Variants in ACACA observed in about 807,000 individuals in gnomAD.
ACACA encodes the protein acetyl-CoA carboxylase alpha, also known as acetyl-CoA carboxylase 1.
A neutral mutation model predicts 296.1 loss-of-function variants in ACACA; 103 were observed. The ratio of observed to expected loss-of-function variants is 0.35; its 90% CI spans 0.30 to 0.41. The LOEUF is 0.41. Ranked by LOEUF, ACACA falls within the 10% of genes least tolerant of loss-of-function variation. ACACA has a pLI of 1.00. For synonymous variants in ACACA, 953 were observed against 1,038.6 expected (o/e 0.92, Z 1.58); for missense variants, 1,554 against 2,989.7 (o/e 0.52, Z 11.20).
chr17:37,191,141 C>G lies in ACACA; in HGVS notation c.4551G>C (p.Thr1517=). ...CNHIFLNFVP[T]VIMDPSKIEE... ...GTACCTTTGATGGGTCCATGATAAC[C>G]GTGGGCACAAAGTTGAGGAAGATGT... Residue 1517 remains threonine (T), a synonymous_variant, in exon 38 of 56, where the codon ACG becomes ACC. Coordinates refer to ENST00000616317, the MANE Select transcript of ACACA (RefSeq NM_198834.3). 1 of 1,614,042 alleles carries G rather than the reference C, an allele frequency of 6.2e-7. No homozygotes were observed. Among genetic ancestry groups the G allele is most frequent in the Non-Finnish European group, 8.5e-7 (1 of 1,179,988 alleles).
intron 43 of ACACA, among the ~76,000 whole-genome samples, chr17:37,151,834 G>A (rs1161718763): frequency 6.6e-6 from 1 of 151,840 alleles, no homozygotes; most frequent in Non-Finnish European, 1.5e-5. Context: ...GCTAATTTTT[G>A]TATTTTCAGT....
At chr17:37,249,953 A>T (rs572042715) in intron 16 of ACACA, among the ~76,000 whole-genome samples, 1 of 152,330 alleles carries the variant, frequency 6.6e-6, no homozygotes, top group East Asian at 1.9e-4. Context: ...TGATCATTTT[A>T]TAAGGGGAAA....
intron 45 of ACACA, chr17:37,143,665 T>G (rs2143903752): frequency 1.1e-6 from 1 of 886,006 alleles, no homozygotes; most frequent in African/African-American, 1.7e-5. Context: ...GAAAAAAATC[T>G]GTGCTAGAAC....
intron 55 of ACACA, 85 bp downstream of exon 55, chr17:37,088,853 G>A (rs540726382): frequency 2.6e-5 from 39 of 1,510,862 alleles, no homozygotes; most frequent in Middle Eastern, 1.7e-4. Context: ...AGATTTCTGC[G>A]ATCATCTCAT....
intron 10 of ACACA, among the ~76,000 whole-genome samples, chr17:37,265,956 A>G (rs1317880620): frequency 6.6e-6 from 1 of 152,144 alleles, no homozygotes; most frequent in Non-Finnish European, 1.5e-5. Context: ...TGGCCCTTTC[A>G]GTCCCTTGGT....
At chr17:37,217,734 CAAAAAAAAAAAAAAAAAAA>C (rs57846347) in intron 29 of ACACA, among the ~76,000 whole-genome samples, 1 of 29,372 alleles carries the variant, frequency 3.4e-5, no homozygotes, top group Non-Finnish European at 5.2e-5. Context: ...GACTCCATCT[CAAAAAAAAAAAAAAAAAAA>C]AAAAAAAAAA....
At chr17:37,209,235 G>A (rs2078645095) in intron 30 of ACACA, among the ~76,000 whole-genome samples, 1 of 152,160 alleles carries the variant, frequency 6.6e-6, no homozygotes, top group African/African-American at 2.4e-5. Context: ...GGGATTCAGA[G>A]TTGTATTACC....
intron 3 of ACACA, among the ~76,000 whole-genome samples, chr17:37,288,422 T>C (rs1236786756): frequency 6.6e-6 from 1 of 152,136 alleles, no homozygotes; most frequent in African/African-American, 2.4e-5. Context: ...ATATACCATA[T>C]GACTCCATTT....
At chr17:37,165,295 A>G (rs1274044973) in intron 41 of ACACA, among the ~76,000 whole-genome samples, 1 of 152,188 alleles carries the variant, frequency 6.6e-6, no homozygotes, top group East Asian at 1.9e-4. Flanking sequence ...TTCACTGCTA[A>G]TCAAAGGATA....
chr17:37,237,914 A>C (rs2080191581), intron 24 of ACACA, among the ~76,000 whole-genome samples: 1 of 151,930 alleles, frequency 6.6e-6, no homozygotes, highest in African/African-American at 2.4e-5. Flanking sequence ...GGCACATAAC[A>C]CTACACCTGG....
At chr17:37,118,657 C>A (rs1278928428) in intron 50 of ACACA, among the ~76,000 whole-genome samples, 2 of 152,182 alleles carry the variant, frequency 1.3e-5, no homozygotes, top group Non-Finnish European at 2.9e-5. Context: ...GACAGATCCA[C>A]CTTCCTTTCC....
chr17:37,158,178 G>T (rs775691172), intron 42 of ACACA, among the ~76,000 whole-genome samples: 1 of 152,134 alleles, frequency 6.6e-6, no homozygotes, highest in Non-Finnish European at 1.5e-5. Flanking sequence ...AAGACTGTGG[G>T]AAGAACACAT....
chr17:37,123,064 G>A (rs563647747), intron 48 of ACACA, among the ~76,000 whole-genome samples: 1 of 152,326 alleles, frequency 6.6e-6, no homozygotes, highest in African/African-American at 2.4e-5. Context: ...AATGAGGACT[G>A]ACCTTGCTGA....
In ACACA at chr17:37,085,809, G is replaced by C. The variant is rs1321635306; in HGVS notation, c.*1507C>G. On this transcript the variant is annotated 3_prime_UTR_variant, in exon 56 of 56. Transcript: ENST00000616317. ...CTTGTGTGCAAACTACAGGGTTAAGGCTCAGAACTGTGGCTTGTCCAAGAA... is the reference window on the plus strand; with the variant it reads ...CTTGTGTGCAAACTACAGGGTTAAGCCTCAGAACTGTGGCTTGTCCAAGAA... 5.0e-6 allele frequency: 2 copies of C among 398,970 alleles called. No individual in the cohort carries two copies. The highest frequency in any genetic ancestry group is 8.8e-6 in the Non-Finnish European group (2 of 226,114). The allele number at this position is 398,970 out of a possible 1,614,324, so 24.7% of individuals were successfully genotyped here.
intron 1 of ACACA, among the ~76,000 whole-genome samples, chr17:37,364,805 TCCTTATA>T (rs879508110): frequency 9.9e-5 from 15 of 152,158 alleles, no homozygotes; most frequent in Admixed American, 3.3e-4. Flanking sequence ...CTTATTCTTA[TCCTTATA>T]CCTTTGTTTA....
In ACACA at chr17:37,277,018, G is replaced by T; in HGVS notation, c.802+15C>A. 1.2e-6 allele frequency: 2 copies of T among 1,607,692 alleles called. No individual in the cohort carries two copies. Among genetic ancestry groups the T allele is most frequent in the Non-Finnish European group, 1.7e-6 (2 of 1,174,116 alleles). ...AAAGAAACAGAAAGACGGACAATAT[G>T]TCAGAACAGCTTACCCATGAAGGCA... On this transcript the variant is annotated intron_variant, in intron 7 of 55. Coordinates refer to ENST00000616317, the MANE Select transcript of ACACA (RefSeq NM_198834.3).
chr17:37,343,902 T>C (rs1202865681), intron 1 of ACACA, among the ~76,000 whole-genome samples: 2 of 152,026 alleles, frequency 1.3e-5, no homozygotes, highest in Non-Finnish European at 2.9e-5. Flanking sequence ...TTAAAAACTA[T>C]TTTAATTTAC....
At chr17:37,147,700 T>C (rs2075871836) in intron 45 of ACACA, among the ~76,000 whole-genome samples, 1 of 152,212 alleles carries the variant, frequency 6.6e-6, no homozygotes, top group African/African-American at 2.4e-5. Flanking sequence ...CTGTATCTGA[T>C]CACTCCCTTC....
At chr17:37,216,368 A>G (rs1424032494) in intron 29 of ACACA, among the ~76,000 whole-genome samples, 1 of 152,044 alleles carries the variant, frequency 6.6e-6, no homozygotes, top group East Asian at 1.9e-4. Context: ...AATAAGACCT[A>G]CAGATGCCAA....
Sources: allele counts gnomAD v4.1 joint callset (sites outside exome capture counted in the v4.1 genomes callset), GRCh38; gene constraint gnomAD v4.1.1; transcripts MANE v1.5; gene names NCBI Gene and HGNC (gene_info 2026-07-23, HGNC 2026-07-21).